The following KSR1 variants were observed in gnomAD, a reference collection of about 807,000 sequenced individuals.
KSR1 encodes kinase suppressor of ras 1.
Under a neutral mutation model 92.9 loss-of-function variants are expected in KSR1, and 35 were observed. The observed-to-expected ratio is 0.38, with a 90% CI of 0.29 to 0.50. The LOEUF (loss-of-function observed/expected upper bound fraction) is 0.50, where lower values mean the gene tolerates loss of function less well. Among genes scored for constraint, KSR1 ranks in the 20% least tolerant of loss-of-function variants. KSR1 has a pLI of 0.94. For missense variants in KSR1, 972 were observed against 1,158.5 expected (o/e 0.84, Z 2.34); for synonymous variants, 467 against 472.6 (o/e 0.99, Z 0.15).
chr17:27,583,874 C>A, intron 4 of KSR1: 1 of 387,610 alleles, frequency 2.6e-6, no homozygotes, highest in Non-Finnish European at 3.5e-6. Flanking sequence ...TCTCAGGGTA[C>A]GTGGTGAAAA....
chr17:27,620,711 T>G (rs977771589), intron 19 of KSR1, among the ~76,000 whole-genome samples: 3 of 152,208 alleles, frequency 2.0e-5, no homozygotes, highest in African/African-American at 7.2e-5. Context: ...GAGGCCAAGC[T>G]CTAATCAGAC....
At chr17:27,579,745 G>C (rs1250294071) in intron 3 of KSR1, 1 of 151,710 alleles carries the variant, frequency 6.6e-6, no homozygotes, top group Non-Finnish European at 1.5e-5. Flanking sequence ...GAGTGGTTGT[G>C]TGTGCCTGTA....
intron 1 of KSR1, among the ~76,000 whole-genome samples, chr17:27,532,602 G>A (rs1465205519): frequency 2.6e-5 from 4 of 152,228 alleles, no homozygotes; most frequent in Non-Finnish European, 5.9e-5. Flanking sequence ...GGAGGCCCTC[G>A]CTCTGGTTCT....
intron 10 of KSR1, 117 bp from the exon 11 acceptor site, chr17:27,601,243 A>G (rs1598122338): frequency 1.2e-6 from 1 of 829,970 alleles, no homozygotes; most frequent in Non-Finnish European, 2.0e-6. Context: ...CATCTGGGGT[A>G]GGGCTGTCCC....
In KSR1 at chr17:27,604,611, G is replaced by T. The variant is rs2289567; in HGVS notation, c.1566-69G>T. 243,245 of 1,468,210 alleles carry T rather than the reference G, an allele frequency of 0.17. 21,929 individuals are homozygous for T. Among genetic ancestry groups the T allele is most frequent in the Middle Eastern group, 0.21 (1,204 of 5,784 alleles). The allele number at this position is 1,468,210 out of a possible 1,614,324, so 90.9% of individuals were successfully genotyped here. On this transcript the variant is annotated intron_variant, in intron 12 of 20. Coordinates refer to ENST00000644974, the MANE Select transcript of KSR1 (RefSeq NM_001394583.1). ...TACCTTTGTCTCAGATCTCTCCCGGGAGTCCCCGCTAGCTGAGAGCAGAGC... is the reference window on the plus strand; with the variant it reads ...TACCTTTGTCTCAGATCTCTCCCGGTAGTCCCCGCTAGCTGAGAGCAGAGC...
At chr17:27,506,313 G>A (rs547836505) in intron 1 of KSR1, among the ~76,000 whole-genome samples, 2 of 152,268 alleles carry the variant, frequency 1.3e-5, no homozygotes, top group Non-Finnish European at 2.9e-5. Context: ...ACTTTCTCTC[G>A]TAGCATGGGA....
At chr17:27,537,844 CAA>C (rs1218447923) in intron 1 of KSR1, among the ~76,000 whole-genome samples, 1 of 152,020 alleles carries the variant, frequency 6.6e-6, no homozygotes, top group Non-Finnish European at 1.5e-5. Context: ...TCCTGGAATA[CAA>C]AAAATAACTC....
At chr17:27,609,095 A>T in intron 15 of KSR1, 101 bp from the exon 16 acceptor site, 3 of 1,337,368 alleles carry the variant, frequency 2.2e-6, no homozygotes, top group Non-Finnish European at 3.1e-6. Context: ...TACTGCATGG[A>T]ATTGTGAAGA....
At chr17:27,583,165 A>G (rs1342808582) in intron 4 of KSR1, 60 bp downstream of exon 4, 1 of 1,195,172 alleles carries the variant, frequency 8.4e-7, no homozygotes, top group Non-Finnish European at 1.2e-6. Flanking sequence ...AATCATAAAG[A>G]TATATGGAAG....
chr17:27,503,294 C>T (rs9892490), intron 1 of KSR1, among the ~76,000 whole-genome samples: 8 of 152,212 alleles, frequency 5.3e-5, no homozygotes, highest in African/African-American at 1.9e-4. Flanking sequence ...GAGTTTGCCA[C>T]CAGCATCTCG....
chr17:27,623,205 T>C, intron 20 of KSR1, 109 bp from the exon 21 acceptor site: 1 of 699,134 alleles, frequency 1.4e-6, no homozygotes, highest in Non-Finnish European at 2.6e-6. Flanking sequence ...TCATTTTCAT[T>C]TCTTGTTGGA....
At chr17:27,572,873 C>T (rs1268786584) in intron 2 of KSR1, among the ~76,000 whole-genome samples, 2 of 152,174 alleles carry the variant, frequency 1.3e-5, no homozygotes, top group Admixed American at 6.5e-5. Context: ...CAGGGCCCCT[C>T]GCAGGGGCCT....
intron 16 of KSR1, chr17:27,609,779 C>T (rs1334442932): frequency 3.0e-5 from 11 of 369,558 alleles, no homozygotes; most frequent in East Asian, 1.1e-4. Flanking sequence ...GTTAGAGAGG[C>T]GCCTCATTCT....
rs150111835 is a variant in KSR1 at position 27,550,425 on chromosome 17, C to G, written c.232-143C>G. On this transcript the variant is annotated intron_variant, in intron 1 of 20. Transcript: ENST00000644974. ...GACCCTTCTCCACCCTTTCCCCTCCCCTGCAAACAGCAGAGAGGAGAGCCA... is the reference window on the plus strand; with the variant it reads ...GACCCTTCTCCACCCTTTCCCCTCCGCTGCAAACAGCAGAGAGGAGAGCCA... The G allele has an allele frequency of 2.4e-5, 16 of 671,628 alleles. 1 individual carries two copies. In the African/African-American group the frequency reaches 2.7e-4, roughly 11 times the overall value. The allele number at this position is 671,628 out of a possible 1,614,324, so 41.6% of individuals were successfully genotyped here.
intron 2 of KSR1, among the ~76,000 whole-genome samples, chr17:27,564,348 A>G (rs1187718478): frequency 2.0e-5 from 3 of 152,232 alleles, no homozygotes; most frequent in South Asian, 2.1e-4. Flanking sequence ...GAAGAATGAC[A>G]TGGCACCAGG....
intron 1 of KSR1, among the ~76,000 whole-genome samples, chr17:27,479,094 C>T (rs1053432053): frequency 2.7e-5 from 4 of 150,076 alleles, no homozygotes; most frequent in African/African-American, 4.9e-5. Context: ...ATGCTCTTCC[C>T]TCCATCCATG....
In KSR1 at chr17:27,529,545, G is replaced by C. The variant is rs571007837; in HGVS notation, c.232-21023G>C. On this transcript the variant is annotated intron_variant, in intron 1 of 20. Transcript: ENST00000644974. Reference sequence around the variant, plus strand: ...CGCTCCACGCTCCTGCCATGCTCCTGCCACAGCCACACTGGGGAGTCCCTC... The same window carrying C: ...CGCTCCACGCTCCTGCCATGCTCCTCCCACAGCCACACTGGGGAGTCCCTC... Among the ~76,000 whole-genome samples the C allele has an allele frequency of 1.1e-4, 16 of 152,328 alleles. 1 individual carries two copies. The East Asian group carries it at 3.1e-3, about 29-fold the overall frequency.
rs148412780 is a variant in KSR1, at chr17:27,461,638, C to T, written c.231+4764C>T. On this transcript the variant is annotated intron_variant, in intron 1 of 20. Coordinates refer to ENST00000644974, the MANE Select transcript of KSR1 (RefSeq NM_001394583.1). ...TAACTTTTTCCCTGGTGAAACCTAC[C>T]TCCCAAATGTTTCTTAGAGGCAGCC... Among the ~76,000 whole-genome samples, 510 of 152,328 alleles carry T rather than the reference C, an allele frequency of 3.3e-3. 2 individuals are homozygous for T. The highest frequency in any genetic ancestry group is 0.012 in the African/African-American group (490 of 41,584).
At chr17:27,549,517 C>G (rs374355012) in intron 1 of KSR1, among the ~76,000 whole-genome samples, 55 of 152,378 alleles carry the variant, frequency 3.6e-4, no homozygotes, top group African/African-American at 1.3e-3. Flanking sequence ...CAGTGTTTGT[C>G]GGGTTTACCC....
Sources: allele counts gnomAD v4.1 joint callset (sites outside exome capture counted in the v4.1 genomes callset), GRCh38; gene constraint gnomAD v4.1.1; transcripts MANE v1.5; gene names NCBI Gene and HGNC (gene_info 2026-07-23, HGNC 2026-07-21).